The following SNTG2 variants were observed in gnomAD, a reference collection of about 807,000 sequenced individuals.
The protein encoded by SNTG2 is gamma-2-syntrophin.
In SNTG2, 74 loss-of-function variants were observed where a neutral mutation model predicts 70.9. That is an observed-to-expected ratio of 1.04 (90% CI 0.86 to 1.27). The LOEUF (loss-of-function observed/expected upper bound fraction) is 1.27. Among genes scored for constraint, SNTG2 ranks in the 50% most tolerant of loss-of-function variants. The pLI is 0.00. For missense variants in SNTG2, 717 were observed against 690.7 expected (o/e 1.04, Z -0.43); for synonymous variants, 278 against 273.8 (o/e 1.02, Z -0.15).
intron 1 of SNTG2, among the ~76,000 whole-genome samples, chr2:1,081,751 C>T (rs532477461): frequency 6.6e-6 from 1 of 152,376 alleles, no homozygotes; most frequent in African/African-American, 2.4e-5. Context: ...CAATCTCACC[C>T]GTGTACAGCC....
intron 1 of SNTG2, among the ~76,000 whole-genome samples, chr2:1,054,619 C>T (rs1662276536): frequency 6.6e-6 from 1 of 152,086 alleles, no homozygotes; most frequent in African/African-American, 2.4e-5. Context: ...ATTCTGGGAC[C>T]CCCTGGAGGT....
At chr2:986,300 G>A (rs1196822880) in intron 1 of SNTG2, among the ~76,000 whole-genome samples, 8 of 152,156 alleles carry the variant, frequency 5.3e-5, no homozygotes, top group Admixed American at 4.6e-4. Context: ...CGCTCTACCA[G>A]GGTTGTTTGG....
chr2:1,031,356 C>T (rs576465858), intron 1 of SNTG2, among the ~76,000 whole-genome samples: 1 of 151,606 alleles, frequency 6.6e-6, no homozygotes, highest in Non-Finnish European at 1.5e-5. Context: ...GAACAGTCCT[C>T]AGAGTGTCAG....
At chr2:1,158,251 C>T (rs1670031279) in intron 6 of SNTG2, 1 of 152,220 alleles carries the variant, frequency 6.6e-6, no homozygotes. Flanking sequence ...TCCCTTTACT[C>T]ACTCAAGTTC....
In SNTG2 at chr2:1,332,716, C is replaced by T. The variant is rs187080784; in HGVS notation, c.1488+16341C>T. On this transcript the variant is annotated intron_variant, in intron 16 of 16. Transcript: ENST00000308624. ...TTAAAAACAAAAACCATATTATCAT[C>T]TCAATAGATGCAGGTAAAGAATTTG... 8.9e-4 allele frequency among the ~76,000 whole-genome samples: 135 copies of T among 152,274 alleles called. 1 individual carries two copies. The highest frequency in any genetic ancestry group is 2.1e-4 in the Non-Finnish European group (14 of 68,018).
At position 1,008,564 on chromosome 2, in the gene SNTG2, A is replaced by G. The variant is rs191895619; in HGVS notation, c.72+57496A>G. Among the ~76,000 whole-genome samples, 114 of 152,292 alleles carry G rather than the reference A, an allele frequency of 7.5e-4. 2 individuals are homozygous for G. In the Middle Eastern group the frequency reaches 0.01, roughly 14 times the overall value. ...TAAAACATGCATGAATTTCAGACTA[A>G]ATGCCTGCTTATCTACGTCATCAAA... On this transcript the variant is annotated intron_variant, in intron 1 of 16. Coordinates refer to ENST00000308624, the MANE Select transcript of SNTG2 (RefSeq NM_018968.4).
chr2:1,180,565 A>G (rs1370464798), intron 8 of SNTG2, among the ~76,000 whole-genome samples: 1 of 144,278 alleles, frequency 6.9e-6, no homozygotes. Flanking sequence ...AAGTCAGGAA[A>G]CAACAGGTTC....
At chr2:1,325,120 T>C (rs1483525903) in intron 16 of SNTG2, among the ~76,000 whole-genome samples, 3 of 152,180 alleles carry the variant, frequency 2.0e-5, no homozygotes, top group Admixed American at 6.5e-5. Flanking sequence ...TCTGGTTATA[T>C]CTAAAAATAT....
chr2:970,412 T>TC (rs1660699010), intron 1 of SNTG2, among the ~76,000 whole-genome samples: 1 of 119,934 alleles, frequency 8.3e-6, no homozygotes, highest in African/African-American at 3.0e-5. Context: ...ATGCTATCCC[T>TC]CCCCCCTCCC....
At chr2:1,214,296 A>G (rs927263078) in intron 9 of SNTG2, among the ~76,000 whole-genome samples, 6 of 152,118 alleles carry the variant, frequency 3.9e-5, no homozygotes, top group Non-Finnish European at 8.8e-5. Context: ...ATATCATTGG[A>G]ATTTGATAGA....
intron 16 of SNTG2, among the ~76,000 whole-genome samples, chr2:1,356,889 A>C (rs1162195455): frequency 6.6e-6 from 1 of 151,754 alleles, no homozygotes; most frequent in Non-Finnish European, 1.5e-5. Context: ...CTCCTTGGTT[A>C]AGTTTATTCT....
At chr2:1,193,124 G>A (rs1672701360) in intron 8 of SNTG2, among the ~76,000 whole-genome samples, 1 of 152,180 alleles carries the variant, frequency 6.6e-6, no homozygotes, top group Admixed American at 6.5e-5. Flanking sequence ...TCTGCAGCAG[G>A]CCCCCCAAAT....
intron 1 of SNTG2, among the ~76,000 whole-genome samples, chr2:1,079,945 C>T (rs533856139): frequency 6.6e-6 from 1 of 152,360 alleles, no homozygotes; most frequent in African/African-American, 2.4e-5. Context: ...ACTACCTGAG[C>T]TTCTCTGGGA....
At chr2:992,513 T>C (rs1661534194) in intron 1 of SNTG2, among the ~76,000 whole-genome samples, 1 of 152,198 alleles carries the variant, frequency 6.6e-6, no homozygotes, top group South Asian at 2.1e-4. Flanking sequence ...ATCTTTGCAA[T>C]ACAAGATGAG....
At chr2:1,031,508 T>TTTTATA (rs1345229584) in intron 1 of SNTG2, among the ~76,000 whole-genome samples, 7 of 57,750 alleles carry the variant, frequency 1.2e-4, no homozygotes, top group East Asian at 9.3e-4. Flanking sequence ...TAGTTCATTG[T>TTTTATA]TATATATATA....
intron 1 of SNTG2, among the ~76,000 whole-genome samples, chr2:1,011,030 A>G (rs1659715758): frequency 6.6e-6 from 1 of 152,266 alleles, no homozygotes; most frequent in Admixed American, 6.5e-5. Flanking sequence ...GTGTTCATGG[A>G]AATGTTCCAT....
At chr2:1,245,921 GA>G (rs1677396182) in intron 11 of SNTG2, among the ~76,000 whole-genome samples, 1 of 152,040 alleles carries the variant, frequency 6.6e-6, no homozygotes, top group Admixed American at 6.6e-5. Flanking sequence ...TTTCATGATG[GA>G]AAAAGAGAGC....
intron 16 of SNTG2, among the ~76,000 whole-genome samples, chr2:1,327,479 G>A (rs535223225): frequency 2.6e-5 from 4 of 152,264 alleles, no homozygotes; most frequent in African/African-American, 9.6e-5. Context: ...GCCTTTTTAA[G>A]TAAACATATT....
At chr2:1,122,642 A>G (rs887700960) in intron 4 of SNTG2, among the ~76,000 whole-genome samples, 1 of 151,836 alleles carries the variant, frequency 6.6e-6, no homozygotes, top group African/African-American at 2.4e-5. Flanking sequence ...TAACATTAAG[A>G]TCCTCTGCAA....
Sources: allele counts gnomAD v4.1 joint callset (sites outside exome capture counted in the v4.1 genomes callset), GRCh38; gene constraint gnomAD v4.1.1; transcripts MANE v1.5; gene names NCBI Gene and HGNC (gene_info 2026-07-23, HGNC 2026-07-21).